Variants in CELSR1 observed in about 807,000 individuals in gnomAD.
CELSR1 encodes cadherin EGF LAG seven-pass G-type receptor 1, also known as adhesion G protein-coupled receptor C1.
A neutral mutation model predicts 249.1 loss-of-function variants in CELSR1; 110 were observed. That is an observed-to-expected ratio of 0.44 (90% CI 0.38 to 0.52). The LOEUF (loss-of-function observed/expected upper bound fraction) is 0.52. Ranked by LOEUF, CELSR1 falls within the 20% of genes least tolerant of loss-of-function variation. The pLI, the probability that CELSR1 is intolerant of heterozygous loss-of-function variation, is 0.00. For missense variants in CELSR1, 4,109 were observed against 4,296.4 expected, an observed-to-expected ratio of 0.96 and a Z score of 1.22; for synonymous variants, 2,113 against 1,900.0, an observed-to-expected ratio of 1.11 and a Z score of -2.92.
chr22:46,373,739 T>TGGG lies in CELSR1; in HGVS notation c.7585-683_7585-682insCCC, dbSNP rs1569111562. ...GGGGAGATGGGAGCAATGGGAGCAA[T>TGGG]AGGAGCAATGGGAGGGTCCCACCAC... On this transcript the variant is annotated intron_variant, in intron 24 of 34. Coordinates refer to ENST00000674500, the MANE Select transcript of CELSR1 (RefSeq NM_001378328.1). Among the ~76,000 whole-genome samples, 1,253 of 142,770 alleles carry TGGG rather than the reference T, an allele frequency of 8.8e-3. 47 individuals carry two copies. The highest frequency in any genetic ancestry group is 0.034 in the African/African-American group (1,159 of 33,870). The allele number at this position is 142,770 out of a possible 152,430, so 93.7% of individuals were successfully genotyped here.
At chr22:46,501,560 G>A (rs140924953) in intron 1 of CELSR1, among the ~76,000 whole-genome samples, 213 of 152,234 alleles carry the variant, frequency 1.4e-3, no homozygotes, top group African/African-American at 4.8e-3. Flanking sequence ...AGACCTTTTC[G>A]TGAAGTGGCA....
At chr22:46,439,913 C>T (rs2079723051) in intron 2 of CELSR1, among the ~76,000 whole-genome samples, 1 of 151,834 alleles carries the variant, frequency 6.6e-6, no homozygotes, top group African/African-American at 2.4e-5. Flanking sequence ...GCCACCTGCC[C>T]TGACTGCCGT....
rs2080072970 is a variant in CELSR1, at chr22:46,464,340, T to G, written c.3550A>C (p.Ile1184Leu). 6.2e-7 allele frequency: 1 copy of G among 1,608,728 alleles called. No individual in the cohort carries two copies. The highest frequency in any genetic ancestry group is 1.7e-5 in the Admixed American group (1 of 59,920). ...ALMEVSVSDGIHSVTAFCTLR... is the reference protein window; with the variant it reads ...ALMEVSVSDGLHSVTAFCTLR... The stretch of plus-strand genomic sequence containing the variant: ...GTGCAGAAGGCCGTGACGCTGTGGA[T>G]GCCATCTGCAGACACAAGGAAAGTC... The change falls in exon 2 of 35, where the codon ATC becomes CTC. Residue 1184 changes from isoleucine (I) to leucine (L), a missense_variant. Around this residue, in one of 7 missense-constraint regions of CELSR1, gnomAD observed 886 missense variants for 896.5 expected, o/e 0.99. Transcript: ENST00000674500. This position sits in a 1 kb window ranked among gnomAD's most constrained non-coding sequence, Gnocchi z 8.5.
intron 1 of CELSR1, among the ~76,000 whole-genome samples, chr22:46,504,548 C>G (rs1180523447): frequency 6.7e-6 from 1 of 148,818 alleles, no homozygotes; most frequent in Non-Finnish European, 1.5e-5. Context: ...GGCTGCTAAG[C>G]AGATAAAAAA....
chr22:46,512,373 C>A lies in CELSR1; in HGVS notation c.3544+21254G>T, dbSNP rs1481292106. Reference sequence around the variant, plus strand: ...ATCACATGAGGTCAGGAGATCGAGACCATCCTGGCCAATATGGTGAAACCC... The same window carrying A: ...ATCACATGAGGTCAGGAGATCGAGAACATCCTGGCCAATATGGTGAAACCC... On this transcript the variant is annotated intron_variant, in intron 1 of 34. Coordinates refer to ENST00000674500, the MANE Select transcript of CELSR1 (RefSeq NM_001378328.1). The surrounding 1 kb of genome is among the most constrained non-coding windows in gnomAD (Gnocchi z 5.2). Among the ~76,000 whole-genome samples, 4 of 152,194 alleles carry A rather than the reference C, an allele frequency of 2.6e-5. No individual in the cohort carries two copies. Among genetic ancestry groups the A allele is most frequent in the African/African-American group, 9.7e-5 (4 of 41,440 alleles).
rs1002110620 is a variant in CELSR1 at position 46,399,335 on chromosome 22, C to T, written c.5412+382G>A. On this transcript the variant is annotated intron_variant, in intron 10 of 34. Transcript: ENST00000674500. The surrounding 1 kb of genome is among the most constrained non-coding windows in gnomAD (Gnocchi z 5.0). ...TCTCACTGCTCTCCCAGTTTTGCTCCCCATCCATGCTCTGAGGGCACGGGC... is the reference window on the plus strand; with the variant it reads ...TCTCACTGCTCTCCCAGTTTTGCTCTCCATCCATGCTCTGAGGGCACGGGC... 2.0e-5 allele frequency among the ~76,000 whole-genome samples: 3 copies of T among 152,204 alleles called. No homozygotes were observed. The highest frequency in any genetic ancestry group is 4.4e-5 in the Non-Finnish European group (3 of 68,036).
intron 1 of CELSR1, among the ~76,000 whole-genome samples, chr22:46,475,656 G>A (rs975176680): frequency 4.3e-4 from 35 of 81,660 alleles, no homozygotes; most frequent in Non-Finnish European, 1.5e-4. Flanking sequence ...ATAAAGAAAC[G>A]AATGGGGGGG....
chr22:46,374,613 C>T lies in CELSR1; in HGVS notation c.7585-1556G>A, dbSNP rs1388274333. ...GGACAGCGCTCACTCCGGCAGGCGA[C>T]GAGTCAGTGTGGGAACCCAGGGGCC... On this transcript the variant is annotated intron_variant, in intron 24 of 34. Coordinates refer to ENST00000674500, the MANE Select transcript of CELSR1 (RefSeq NM_001378328.1). The surrounding 1 kb of genome is among the most constrained non-coding windows in gnomAD (Gnocchi z 4.3). Among the ~76,000 whole-genome samples, 3 of 152,114 alleles carry T rather than the reference C, an allele frequency of 2.0e-5. No individual in the cohort carries two copies. Among genetic ancestry groups the T allele is most frequent in the Non-Finnish European group, 4.4e-5 (3 of 68,018 alleles).
rs7290754 is a variant in CELSR1, at chr22:46,381,822, G to A, written c.7088+24C>T. 13,477 of 1,536,788 alleles carry A rather than the reference G, an allele frequency of 8.8e-3. 869 individuals carry two copies. The African/African-American group carries it at 0.15, about 17-fold the overall frequency. On this transcript the variant is annotated intron_variant, in intron 21 of 34. Transcript: ENST00000674500. The surrounding 1 kb of genome is among the most constrained non-coding windows in gnomAD (Gnocchi z 6.0). Reference sequence around the variant, plus strand: ...GGAGCCTCCAGAACGGGCCCTCCCCGTGTGCCCCGTGCCCAGGCCTTACCG... The same window carrying A: ...GGAGCCTCCAGAACGGGCCCTCCCCATGTGCCCCGTGCCCAGGCCTTACCG...
In CELSR1 at chr22:46,430,480, C is replaced by T. The variant is rs999376808; in HGVS notation, c.4611+2913G>A. ...GTCACCCACCACCCTCAAGATCACC[C>T]TTGCAGCCCCAGCCCTGAGCCCCTC... On this transcript the variant is annotated intron_variant, in intron 5 of 34. Transcript: ENST00000674500. The surrounding 1 kb of genome is among the most constrained non-coding windows in gnomAD (Gnocchi z 4.6). 6.6e-6 allele frequency among the ~76,000 whole-genome samples: 1 copy of T among 152,068 alleles called. No individual in the cohort carries two copies. The highest frequency in any genetic ancestry group is 1.5e-5 in the Non-Finnish European group (1 of 68,006).
rs1003064013 is a variant in CELSR1, at chr22:46,390,959, C to T, written c.6250+227G>A. Among the ~76,000 whole-genome samples the T allele has an allele frequency of 6.6e-6, 1 of 152,266 alleles. No individual in the cohort carries two copies. Among genetic ancestry groups the T allele is most frequent in the Non-Finnish European group, 1.5e-5 (1 of 68,050 alleles). ...GCGGCAGAGCAGGGACTGGCCGGGC[C>T]TGACTGGCGGGCGTCCCCACACGCG... On this transcript the variant is annotated intron_variant, in intron 16 of 34. Transcript: ENST00000674500. The surrounding 1 kb of genome is among the most constrained non-coding windows in gnomAD (Gnocchi z 6.3).
At chr22:46,457,980 C>T (rs774372197) in intron 2 of CELSR1, among the ~76,000 whole-genome samples, 1 of 152,230 alleles carries the variant, frequency 6.6e-6, no homozygotes, top group Non-Finnish European at 1.5e-5. Flanking sequence ...CATTTGCACA[C>T]GGTGCCTGCT....
rs76635115 is a variant in CELSR1 at position 46,389,389 on chromosome 22, G to A, written c.6456C>T (p.Asp2152=). 36 of 1,611,832 alleles carry A rather than the reference G, an allele frequency of 2.2e-5. No individual in the cohort carries two copies. In the East Asian group the frequency reaches 4.0e-4, roughly 18 times the overall value. ...CCAGCAGCTGGTAGGCCGTGCGCAC[G>A]TCATTGCCAAAGAGCGTGCCCGTGT... is the stretch of plus-strand genomic sequence containing the variant. ...TQHTGTLFGN[D]VRTAYQLLGH... Residue 2152 remains aspartate (D), a synonymous_variant, in exon 18 of 35, where the codon GAC becomes GAT. Transcript: ENST00000674500.
Position 46,536,725 on chromosome 22 carries a change from G to A in CELSR1, c.446C>T (p.Ala149Val). ...GCGGCAGGCGGGTAAGGTGGTCGGA[G>A]CTGCGAGCGCCGAATGCTGCGCGGC... ...CAAAQHSALA[A>V]PTTLPACRCP... is the part of the protein sequence containing the mutation. The change falls in exon 1 of 35, where the codon GCT (alanine) becomes GTT (valine). Residue 149 changes from alanine to valine, a missense_variant. This residue lies in a region of CELSR1 where 673 missense variants were observed against 636.8 expected (regional missense o/e 1.06). Coordinates refer to ENST00000674500, the MANE Select transcript of CELSR1 (RefSeq NM_001378328.1). 8.5e-7 allele frequency: 1 copy of A among 1,180,600 alleles called. No homozygotes were observed. Among genetic ancestry groups the A allele is most frequent in the Non-Finnish European group, 1.0e-6 (1 of 956,280 alleles). 73.1% of individuals were successfully genotyped at this position (1,180,600 alleles called of 1,614,324 possible). A position where few individuals can be genotyped will look rare whatever the true frequency, so the allele number is the denominator to read the frequency against.
rs2079656850 is a variant in CELSR1, at chr22:46,436,073, G to A, written c.4522+101C>T. 1 of 828,000 alleles carries A rather than the reference G, an allele frequency of 1.2e-6. No individual in the cohort carries two copies. 51.3% of individuals were successfully genotyped at this position (828,000 alleles called of 1,614,324 possible). ...CTAGACCTACAAGTGAGGGATGAAA[G>A]GGTAAGCAGCTTGGAGGCGCTGCAC... is the stretch of plus-strand genomic sequence containing the variant. On this transcript the variant is annotated intron_variant, in intron 4 of 34. Coordinates refer to ENST00000674500, the MANE Select transcript of CELSR1 (RefSeq NM_001378328.1). This position sits in a 1 kb window ranked among gnomAD's most constrained non-coding sequence, Gnocchi z 5.9.
At chr22:46,478,804 G>A (rs1351181808) in intron 1 of CELSR1, among the ~76,000 whole-genome samples, 7 of 151,268 alleles carry the variant, frequency 4.6e-5, no homozygotes, top group Non-Finnish European at 8.8e-5. Flanking sequence ...TGTCCGCCTC[G>A]GCCTCCCAAA....
chr22:46,534,447 C>A lies in CELSR1; in HGVS notation c.2724G>T (p.Ser908=). The A allele has an allele frequency of 5.6e-6, 9 of 1,612,932 alleles. No individual in the cohort carries two copies. The highest frequency in any genetic ancestry group is 6.8e-6 in the Non-Finnish European group (8 of 1,180,004). ...QGSIFEDAPP[S]TSILQVSATD... The stretch of plus-strand genomic sequence containing the variant: ...TGGCAGAGACCTGGAGGATGCTGGT[C>A]GAGGGTGGAGCATCCTCAAAGATGG... Residue 908 remains serine (S), a synonymous_variant, in exon 1 of 35, where the codon TCG becomes TCT. Coordinates refer to ENST00000674500, the MANE Select transcript of CELSR1 (RefSeq NM_001378328.1). The surrounding 1 kb of genome is among the most constrained non-coding windows in gnomAD (Gnocchi z 9.7).
rs1224651564 is a variant in CELSR1, at chr22:46,518,482, T to C, written c.3544+15145A>G. Among the ~76,000 whole-genome samples, 10 of 152,200 alleles carry C rather than the reference T, an allele frequency of 6.6e-5. No individual in the cohort carries two copies. The highest frequency in any genetic ancestry group is 1.3e-4 in the Non-Finnish European group (9 of 68,034). On this transcript the variant is annotated intron_variant, in intron 1 of 34. Coordinates refer to ENST00000674500, the MANE Select transcript of CELSR1 (RefSeq NM_001378328.1). The surrounding 1 kb of genome is among the most constrained non-coding windows in gnomAD (Gnocchi z 5.2). ...CCACTGAGAAGGGAGGCCTCGGTTATCTGATTTAACACGAAGAAACCAGTC... is the reference window on the plus strand; with the variant it reads ...CCACTGAGAAGGGAGGCCTCGGTTACCTGATTTAACACGAAGAAACCAGTC...
rs924764467 is a variant in CELSR1, at chr22:46,362,230, G to A, written c.*993C>T. The A allele has an allele frequency of 1.3e-5, 2 of 152,308 alleles. No individual in the cohort carries two copies. Among genetic ancestry groups the A allele is most frequent in the African/African-American group, 4.8e-5 (2 of 41,480 alleles). 9.4% of individuals were successfully genotyped at this position (152,308 alleles called of 1,614,324 possible). On this transcript the variant is annotated 3_prime_UTR_variant, in exon 35 of 35. Transcript: ENST00000674500. ...CACCTGCAGCTCCCGGGCCACCTGG[G>A]AGGCGGTGAGGGGAGGGGGTGGTGG...
Sources: allele counts gnomAD v4.1 joint callset (sites outside exome capture counted in the v4.1 genomes callset), GRCh38; gene constraint gnomAD v4.1.1; regional missense constraint gnomAD v4.1.1; non-coding constraint Gnocchi (gnomAD v3.1); transcripts MANE v1.5; gene names NCBI Gene and HGNC (gene_info 2026-07-23, HGNC 2026-07-21).